Variants in SLC5A8 observed in about 807,000 individuals in gnomAD.
The protein encoded by SLC5A8 is sodium-coupled monocarboxylate transporter 1.
SLC5A8 carries 55 observed loss-of-function variants against 71.9 expected under a neutral mutation model. The ratio of observed to expected loss-of-function variants is 0.77; its 90% CI spans 0.62 to 0.96. SLC5A8 has a LOEUF of 0.96. SLC5A8 is among the 40% of genes least tolerant of loss of function. The pLI is 0.00. For missense variants in SLC5A8, 701 were observed against 745.3 expected (o/e 0.94, Z 0.69); for synonymous variants, 307 against 276.1 (o/e 1.11, Z -1.11).
Position 101,157,116 on chromosome 12 carries a change from A to C in SLC5A8, c.*163T>G. 1 of 656,514 alleles carries C rather than the reference A, an allele frequency of 1.5e-6. No homozygotes were observed. The highest frequency in any genetic ancestry group is 4.3e-4 in the Middle Eastern group (1 of 2,342). 40.7% of individuals were successfully genotyped at this position (656,514 alleles called of 1,614,324 possible). The stretch of plus-strand genomic sequence containing the variant: ...AACTCCAGAGTAACATCAATTAATG[A>C]TGTAGTAAATGAAGATAGTCCAGAC... On this transcript the variant is annotated 3_prime_UTR_variant, in exon 15 of 15. Transcript: ENST00000536262.
chr12:101,197,152 A>T (rs1869216525), intron 3 of SLC5A8, among the ~76,000 whole-genome samples: 2 of 152,266 alleles, frequency 1.3e-5, no homozygotes, highest in African/African-American at 4.8e-5. Context: ...TATTATTTTT[A>T]AAATTCATAA....
Position 101,168,177 on chromosome 12 carries a change from T to G in SLC5A8, c.1239A>C (p.Ala413=). Residue 413 remains alanine, a synonymous_variant, in exon 11 of 15, where the codon GCA becomes GCC. Coordinates refer to ENST00000536262, the MANE Select transcript of SLC5A8 (RefSeq NM_145913.5). ...CACCAACCATACCAAATACGCTGAG[T>G]GCTGCCTACAAAAATAATACAACGT... ...ASLMGALLQA[A]LSVFGMVGGP... 1.9e-6 allele frequency: 3 copies of G among 1,599,342 alleles called. No homozygotes were observed. Among genetic ancestry groups the G allele is most frequent in the South Asian group, 2.3e-5 (2 of 87,226 alleles).
intron 12 of SLC5A8, among the ~76,000 whole-genome samples, chr12:101,162,949 CA>C (rs1318484838): frequency 3.9e-5 from 6 of 152,004 alleles, no homozygotes; most frequent in African/African-American, 1.5e-4. Context: ...GAAAGTAAAA[CA>C]AGATGATGTG....
At chr12:101,207,655 T>C (rs925719042) in intron 1 of SLC5A8, among the ~76,000 whole-genome samples, 2 of 152,076 alleles carry the variant, frequency 1.3e-5, no homozygotes, top group Non-Finnish European at 2.9e-5. Context: ...TTCAAACCCT[T>C]TCCAAGTTTG....
At position 101,195,081 on chromosome 12, in the gene SLC5A8, T is replaced by A. The variant is rs1458003281; in HGVS notation, c.537+14A>T. 1.2e-6 allele frequency: 2 copies of A among 1,613,414 alleles called. No individual in the cohort carries two copies. Among genetic ancestry groups the A allele is most frequent in the East Asian group, 4.5e-5 (2 of 44,892 alleles). The stretch of plus-strand genomic sequence containing the variant: ...AGTGGGTAGAGTGAAAAGGGAAATA[T>A]GTCCTGGACGTACCAGTGTGCAGTA... On this transcript the variant is annotated intron_variant, in intron 4 of 14. Transcript: ENST00000536262.
Position 101,209,947 on chromosome 12 carries a change from G to T in SLC5A8, c.-99C>A. 1.7e-6 allele frequency: 2 copies of T among 1,166,560 alleles called. No individual in the cohort carries two copies. Among genetic ancestry groups the T allele is most frequent in the Non-Finnish European group, 2.3e-6 (2 of 868,048 alleles). The allele number at this position is 1,166,560 out of a possible 1,614,324, so 72.3% of individuals were successfully genotyped here. A position where few individuals can be genotyped will look rare whatever the true frequency, so the allele number is the denominator to read the frequency against. ...TCTTATCCCGGATCCCTGGCGCGCA[G>T]GCGTGGCGTCCCGCGGGGACTGGAG... On this transcript the variant is annotated 5_prime_UTR_variant, in exon 1 of 15. The change creates a new upstream start codon in the 5' untranslated region. Transcript: ENST00000536262.
intron 11 of SLC5A8, among the ~76,000 whole-genome samples, chr12:101,166,936 G>A (rs954128947): frequency 6.6e-6 from 1 of 151,944 alleles, no homozygotes; most frequent in Non-Finnish European, 1.5e-5. Flanking sequence ...AGTGAGAAAG[G>A]CCACTTTTAA....
chr12:101,172,181 G>A (rs972448109), intron 10 of SLC5A8, among the ~76,000 whole-genome samples: 1 of 152,092 alleles, frequency 6.6e-6, no homozygotes. Context: ...AGTGTCTCTA[G>A]GAGGCACTGG....
At chr12:101,199,860 G>A (rs894700434) in intron 3 of SLC5A8, among the ~76,000 whole-genome samples, 2 of 150,898 alleles carry the variant, frequency 1.3e-5, no homozygotes, top group African/African-American at 4.9e-5. Flanking sequence ...AAACAGGTGT[G>A]AAAAAGAAAA....
At chr12:101,195,686 T>C (rs1869142017) in intron 3 of SLC5A8, among the ~76,000 whole-genome samples, 1 of 148,058 alleles carries the variant, frequency 6.8e-6, no homozygotes, top group Non-Finnish European at 1.5e-5. Flanking sequence ...ATAAAGGTAA[T>C]GGTAATTCCT....
In SLC5A8 at chr12:101,170,254, G is replaced by A. The variant is rs149686828; in HGVS notation, c.1234-2072C>T. On this transcript the variant is annotated intron_variant, in intron 10 of 14. Transcript: ENST00000536262. ...ATGCTCTCTAATCAGAAGAGCAAAC[G>A]CCACAGGAGGTGAAAGACCCTTCAG... 2.9e-4 allele frequency among the ~76,000 whole-genome samples: 44 copies of A among 152,310 alleles called. No individual in the cohort carries two copies. The East Asian group carries it at 6.9e-3, about 24-fold the overall frequency.
chr12:101,190,454 G>A lies in SLC5A8; in HGVS notation c.833+14C>T, dbSNP rs1327411000. 14 of 1,610,034 alleles carry A rather than the reference G, an allele frequency of 8.7e-6. No homozygotes were observed. The highest frequency in any genetic ancestry group is 3.4e-5 in the Admixed American group (2 of 59,096). ...TGGTTATTAATGATTCATATACCAT[G>A]GTGTGTGACTTACAGTTTTGCCTGG... is the stretch of plus-strand genomic sequence containing the variant. On this transcript the variant is annotated intron_variant, in intron 6 of 14. Coordinates refer to ENST00000536262, the MANE Select transcript of SLC5A8 (RefSeq NM_145913.5).
intron 12 of SLC5A8, among the ~76,000 whole-genome samples, chr12:101,165,579 A>G (rs1315429140): frequency 6.6e-6 from 1 of 151,944 alleles, no homozygotes; most frequent in Non-Finnish European, 1.5e-5. Context: ...TCTACCATAC[A>G]CAGCTTACCT....
intron 13 of SLC5A8, among the ~76,000 whole-genome samples, chr12:101,158,891 G>A (rs940790946): frequency 2.0e-5 from 3 of 147,634 alleles, no homozygotes; most frequent in East Asian, 2.0e-4. Context: ...AATTACTTAA[G>A]TGAAAATTAG....
chr12:101,166,558 T>G lies in SLC5A8; in HGVS notation c.1462A>C (p.Asn488His). The G allele has an allele frequency of 1.2e-6, 2 of 1,614,032 alleles. No individual in the cohort carries two copies. Among genetic ancestry groups the G allele is most frequent in the Non-Finnish European group, 1.7e-6 (2 of 1,179,948 alleles). ...GGCATTTCTGTGGTTGTCATCAAAT[T>G]TGTCTCATTGTAGGTGCTGTTACAG... ...QGCNSTYNET[N>H]LMTTTEMPFT... is the part of the protein sequence containing the mutation. Residue 488 changes from asparagine (N) to histidine (H), a missense_variant, in exon 12 of 15, where the codon AAT becomes CAT. Asn to His is a moderately conservative substitution (Grantham distance 68). Coordinates refer to ENST00000536262, the MANE Select transcript of SLC5A8 (RefSeq NM_145913.5).
At chr12:101,195,292 A>C (rs1487442910) in intron 3 of SLC5A8, 130 bp from the exon 4 acceptor site, 2 of 851,798 alleles carry the variant, frequency 2.3e-6, no homozygotes, top group Non-Finnish European at 3.7e-6. Context: ...GCCTAAAGCT[A>C]AAACTAGCTC....
At chr12:101,202,326 A>G (rs1869491256) in intron 2 of SLC5A8, 111 bp from the exon 3 acceptor site, 5 of 1,039,184 alleles carry the variant, frequency 4.8e-6, no homozygotes, top group Non-Finnish European at 6.6e-6. Flanking sequence ...ATGACTTAAA[A>G]CAACAGTTTC....
chr12:101,157,371 G>A lies in SLC5A8; in HGVS notation c.1741C>T (p.Pro581Ser), dbSNP rs1415491456. ...KKHVLSYKSHPVEDGGTDNPA... is the reference protein window; with the variant it reads ...KKHVLSYKSHSVEDGGTDNPA... ...TTATCAGTTCCACCATCTTCCACTG[G>A]ATGTGATTTATAGCTCAAAACATGC... The change falls in exon 15 of 15, where the codon CCA becomes TCA. Residue 581 changes from proline to serine, a missense_variant. By Grantham distance (74) the Pro-to-Ser change is moderately conservative. Coordinates refer to ENST00000536262, the MANE Select transcript of SLC5A8 (RefSeq NM_145913.5). 6 of 1,609,870 alleles carry A rather than the reference G, an allele frequency of 3.7e-6. No homozygotes were observed. The highest frequency in any genetic ancestry group is 5.1e-6 in the Non-Finnish European group (6 of 1,177,662).
In SLC5A8 at chr12:101,188,047, A is replaced by G. The variant is rs1006228386; in HGVS notation, c.834-532T>C. Among the ~76,000 whole-genome samples, 7 of 152,320 alleles carry G rather than the reference A, an allele frequency of 4.6e-5. No homozygotes were observed. The South Asian group carries it at 8.3e-4, about 18-fold the overall frequency. The stretch of plus-strand genomic sequence containing the variant: ...CAAACAATATTCAGCACTGTAATAT[A>G]CTGTGTGTGCTCCAGTAGAGAATAA... On this transcript the variant is annotated intron_variant, in intron 6 of 14. Transcript: ENST00000536262.
Sources: gnomAD v4.1 joint callset for allele counts (sites outside exome capture counted in the v4.1 genomes callset) on GRCh38, gnomAD v4.1.1 for gene constraint, MANE v1.5 for transcripts, NCBI Gene and HGNC (gene_info 2026-07-23, HGNC 2026-07-21) for gene names.